Variants in PHLDB2 observed in about 807,000 individuals in gnomAD.
PHLDB2 encodes the protein pleckstrin homology-like domain family B member 2.
PHLDB2 carries 71 observed loss-of-function variants against 123.6 expected under a neutral mutation model. The ratio of observed to expected loss-of-function variants is 0.57; its 90% confidence interval spans 0.47 to 0.70. PHLDB2 has a LOEUF of 0.70. Ranked by LOEUF, PHLDB2 falls within the 30% of genes least tolerant of loss-of-function variation. The pLI is 0.00. For synonymous variants in PHLDB2, 547 were observed against 541.6 expected (o/e 1.01, Z -0.14); for missense variants, 1,446 against 1,519.5 (o/e 0.95, Z 0.80).
At chr3:111,803,924 A>G (rs7635849) in intron 1 of PHLDB2, among the ~76,000 whole-genome samples, 145,580 of 152,250 alleles carry the variant, frequency 0.96, 69,977 homozygotes, top group East Asian at 1. Flanking sequence ...CATTCTGAGG[A>G]ATCAGTCTCA....
intron 1 of PHLDB2, among the ~76,000 whole-genome samples, chr3:111,810,559 T>C (rs551533015): frequency 4.0e-4 from 61 of 152,260 alleles, no homozygotes; most frequent in African/African-American, 1.4e-3. Flanking sequence ...TTAAGACCAC[T>C]AATCCTATCA....
At chr3:111,873,882 T>G (rs960241622) in intron 1 of PHLDB2, among the ~76,000 whole-genome samples, 2 of 152,156 alleles carry the variant, frequency 1.3e-5, no homozygotes, top group Admixed American at 6.6e-5. Flanking sequence ...AGGGCATATC[T>G]TACATGGTGG....
intron 8 of PHLDB2, among the ~76,000 whole-genome samples, chr3:111,941,809 A>AAAAACAAAACAAAACAAAACAAAAC (rs59034498): frequency 6.6e-6 from 1 of 150,616 alleles, no homozygotes; most frequent in African/African-American, 2.4e-5. Flanking sequence ...CCTGTCTCAA[A>AAAAACAAAACAAAACAAAACAAAAC]AAAACAAAAC....
intron 1 of PHLDB2, among the ~76,000 whole-genome samples, chr3:111,743,625 C>T (rs1422374800): frequency 6.6e-6 from 1 of 152,176 alleles, no homozygotes; most frequent in Admixed American, 6.5e-5. Context: ...AGCCCCCATC[C>T]CAATAGCCTA....
At chr3:111,861,761 A>G (rs953227885) in intron 1 of PHLDB2, among the ~76,000 whole-genome samples, 2 of 152,164 alleles carry the variant, frequency 1.3e-5, no homozygotes, top group Non-Finnish European at 2.9e-5. Context: ...GAAACGTTTT[A>G]TTTACCATGT....
intron 9 of PHLDB2, among the ~76,000 whole-genome samples, chr3:111,946,011 A>G (rs1453053592): frequency 2.0e-5 from 3 of 151,958 alleles, no homozygotes; most frequent in Admixed American, 2.0e-4. Flanking sequence ...GAAAATTATA[A>G]CTGAGAAAAA....
intron 1 of PHLDB2, chr3:111,859,969 C>A: frequency 3.2e-6 from 3 of 931,458 alleles, no homozygotes; most frequent in Non-Finnish European, 3.8e-6. Flanking sequence ...GCCCAGGCTG[C>A]GCAGCTGGGT....
intron 1 of PHLDB2, among the ~76,000 whole-genome samples, chr3:111,738,606 C>T (rs2059549490): frequency 6.6e-6 from 1 of 151,782 alleles, no homozygotes; most frequent in Non-Finnish European, 1.5e-5. Flanking sequence ...CTTTAGAGTC[C>T]TCTATATTTG....
intron 1 of PHLDB2, chr3:111,732,752 A>G: frequency 6.8e-7 from 1 of 1,461,114 alleles, no homozygotes. Context: ...TAACAAAATG[A>G]GCAGCATATA....
chr3:111,866,323 T>C (rs1709249), intron 1 of PHLDB2, among the ~76,000 whole-genome samples: 139,081 of 151,988 alleles, frequency 0.92, 64,848 homozygotes, highest in East Asian at 1. Flanking sequence ...CGGCCTCATG[T>C]ACTCAATTTG....
intron 1 of PHLDB2, among the ~76,000 whole-genome samples, chr3:111,783,646 A>T (rs920265860): frequency 3.9e-5 from 6 of 152,144 alleles, no homozygotes; most frequent in Non-Finnish European, 8.8e-5. Flanking sequence ...ATAACTATAA[A>T]GGTACTTGTA....
chr3:111,898,402 C>T (rs1313367193), intron 2 of PHLDB2, among the ~76,000 whole-genome samples: 2 of 152,056 alleles, frequency 1.3e-5, no homozygotes, highest in East Asian at 1.9e-4. Context: ...AGGCTCGTCT[C>T]GAACTCCTGA....
intron 10 of PHLDB2, among the ~76,000 whole-genome samples, chr3:111,951,312 G>C (rs2070703291): frequency 6.6e-6 from 1 of 152,088 alleles, no homozygotes; most frequent in Non-Finnish European, 1.5e-5. Flanking sequence ...TATAGAGATA[G>C]TAATAGTACC....
chr3:111,959,194 C>T (rs1224992306), intron 12 of PHLDB2, among the ~76,000 whole-genome samples: 1 of 152,230 alleles, frequency 6.6e-6, no homozygotes, highest in East Asian at 1.9e-4. Context: ...AGCCTGAATC[C>T]CAAAATGAGC....
rs960044359 is a variant in PHLDB2, at chr3:111,976,291, C to G, written c.*1728C>G. 6.6e-6 allele frequency: 1 copy of G among 152,146 alleles called. No individual in the cohort carries two copies. The highest frequency in any genetic ancestry group is 2.4e-5 in the African/African-American group (1 of 41,418). The allele number at this position is 152,146 out of a possible 1,614,324, so 9.4% of individuals were successfully genotyped here. On this transcript the variant is annotated 3_prime_UTR_variant, in exon 18 of 18. Transcript: ENST00000431670. ...AACTCATCTCTTATTTTGAAGTTAC[C>G]TATCTGTAGTATGATGGAGGATGAA...
chr3:111,773,280 C>G (rs965393804), intron 1 of PHLDB2, among the ~76,000 whole-genome samples: 1 of 152,124 alleles, frequency 6.6e-6, no homozygotes, highest in Non-Finnish European at 1.5e-5. Context: ...AGTGAGAACT[C>G]ATGAATCTCA....
chr3:111,909,468 A>G (rs1206528510), intron 2 of PHLDB2, among the ~76,000 whole-genome samples: 1 of 152,158 alleles, frequency 6.6e-6, no homozygotes, highest in African/African-American at 2.4e-5. Context: ...GCAAGTTTGC[A>G]TGCCTGGAGT....
intron 14 of PHLDB2, among the ~76,000 whole-genome samples, chr3:111,966,967 G>GT (rs756927567): frequency 0.15 from 23,121 of 149,628 alleles, 1,894 homozygotes; most frequent in African/African-American, 0.21. Context: ...TTTTGTGTGT[G>GT]TTTTTTTTTT....
chr3:111,894,657 AC>A (rs1233859200), intron 2 of PHLDB2, among the ~76,000 whole-genome samples: 5 of 151,154 alleles, frequency 3.3e-5, no homozygotes, highest in Non-Finnish European at 4.4e-5. Flanking sequence ...TTCTCTACTG[AC>A]CAGTGATGAT....
Sources: gnomAD v4.1 joint callset for allele counts (sites outside exome capture counted in the v4.1 genomes callset) on GRCh38, gnomAD v4.1.1 for gene constraint, MANE v1.5 for transcripts, NCBI Gene and HGNC (gene_info 2026-07-23, HGNC 2026-07-21) for gene names.